Variants in ZNF454 observed in about 807,000 individuals in gnomAD.
ZNF454 encodes zinc finger protein 454.
A neutral mutation model predicts 48.2 loss-of-function variants in ZNF454; 30 were observed. That is an observed-to-expected ratio of 0.62 (90% CI 0.47 to 0.84). The LOEUF (loss-of-function observed/expected upper bound fraction) is 0.84. Ranked by LOEUF, ZNF454 falls within the 40% of genes least tolerant of loss-of-function variation. ZNF454 has a pLI of 0.00. For missense variants in ZNF454, 510 were observed against 623.1 expected, an observed-to-expected ratio of 0.82 and a Z score of 1.93; for synonymous variants, 204 against 211.4, an observed-to-expected ratio of 0.97 and a Z score of 0.30.
chr5:178,962,044 T>C (rs1005023006), intron 4 of ZNF454, among the ~76,000 whole-genome samples: 1 of 151,752 alleles, frequency 6.6e-6, no homozygotes, highest in Non-Finnish European at 1.5e-5. Flanking sequence ...GGAACACATC[T>C]GTGTTTCTTT....
chr5:178,967,549 G>A (rs1320335372), downstream of ZNF454, among the ~76,000 whole-genome samples: 1 of 152,074 alleles, frequency 6.6e-6, no homozygotes, highest in Admixed American at 6.5e-5. Context: ...CTCCATCTGG[G>A]CCTTCCACTA....
the ZNF454 span, among the ~76,000 whole-genome samples, chr5:178,984,954 A>G: frequency 1.3e-5 from 2 of 152,068 alleles, no homozygotes; most frequent in Non-Finnish European, 2.9e-5. Context: ...TACTCTTCAC[A>G]CAGAAAACAT....
intron 4 of ZNF454, among the ~76,000 whole-genome samples, chr5:178,947,714 A>G (rs75424680): frequency 0.07 from 10,675 of 152,146 alleles, 492 homozygotes; most frequent in Non-Finnish European, 0.098. Context: ...AGTATTCGAG[A>G]GAGCTTGGTG....
At chr5:178,945,430 A>T (rs1759287823) in intron 2 of ZNF454, among the ~76,000 whole-genome samples, 1 of 121,750 alleles carries the variant, frequency 8.2e-6, no homozygotes, top group East Asian at 2.8e-4. Flanking sequence ...GGGTGTGTGT[A>T]TGCTTGTGTG....
At position 178,946,497 on chromosome 5, in the gene ZNF454, C is replaced by A; in HGVS notation, c.160+12C>A. 6.3e-7 allele frequency: 1 copy of A among 1,583,168 alleles called. No homozygotes were observed. Among genetic ancestry groups the A allele is most frequent in the Admixed American group, 2.0e-5 (1 of 49,760 alleles). ...CCTGGTCTCACTGGGTAAGTGGGAC[C>A]CCTGCAAGGTTTCTCTTCACTTTTG... On this transcript the variant is annotated intron_variant, in intron 3 of 4. Coordinates refer to ENST00000519564, the MANE Select transcript of ZNF454 (RefSeq NM_001178089.3). The surrounding 1 kb of genome is among the most constrained non-coding windows in gnomAD (Gnocchi z 4.5).
intron 4 of ZNF454, among the ~76,000 whole-genome samples, chr5:178,960,381 C>G (rs975907697): frequency 9.2e-5 from 14 of 151,732 alleles, no homozygotes; most frequent in African/African-American, 3.4e-4. Flanking sequence ...CCTCAGCCTC[C>G]GGAGTAGTTG....
Position 178,942,775 on chromosome 5 carries a change from T to G in ZNF454, c.-17T>G, listed in dbSNP as rs765491857. Reference sequence around the variant, plus strand: ...GCACTTTGCCTGTCCCTAAGAGGGCTCATCGGAGAAGAAAGAATGGCTGTC... The same window carrying G: ...GCACTTTGCCTGTCCCTAAGAGGGCGCATCGGAGAAGAAAGAATGGCTGTC... On this transcript the variant is annotated 5_prime_UTR_variant, in exon 2 of 5. Transcript: ENST00000519564. 3.1e-6 allele frequency: 5 copies of G among 1,613,884 alleles called. No individual in the cohort carries two copies. Among genetic ancestry groups the G allele is most frequent in the Middle Eastern group, 1.6e-4 (1 of 6,084 alleles).
the ZNF454 span, among the ~76,000 whole-genome samples, chr5:178,988,729 A>AGGGAACACTGAAGCCT: frequency 1.3e-5 from 2 of 152,206 alleles, no homozygotes; most frequent in African/African-American, 4.8e-5. The surrounding 1 kb of genome is among the most constrained non-coding windows in gnomAD (Gnocchi z 6.0). Context: ...AAACCAGCGC[A>AGGGAACACTGAAGCCT]GGGAACACTG....
intron 1 of ZNF454, chr5:178,942,472 G>T (rs1581852715): frequency 6.4e-6 from 2 of 313,570 alleles, no homozygotes; most frequent in East Asian, 5.6e-5. Context: ...AGACCAGAGG[G>T]TGGGTGGAAG....
At chr5:178,981,529 C>G in the ZNF454 span, 1 of 705,874 alleles carries the variant, frequency 1.4e-6, no homozygotes, top group Non-Finnish European at 2.4e-6. The surrounding 1 kb of genome is among the most constrained non-coding windows in gnomAD (Gnocchi z 5.1). Flanking sequence ...CCCACCGACG[C>G]GGAGCATGGT....
At chr5:178,986,787 C>T in the ZNF454 span, 3 of 1,611,516 alleles carry the variant, frequency 1.9e-6, no homozygotes, top group African/African-American at 1.3e-5. Context: ...GGGGCGTCTG[C>T]CTCCGGGATC....
At chr5:178,980,075 A>G in the ZNF454 span, 1 of 154,540 alleles carries the variant, frequency 6.5e-6, no homozygotes, top group Non-Finnish European at 1.5e-5. This position sits in a 1 kb window ranked among gnomAD's most constrained non-coding sequence, Gnocchi z 4.3. Flanking sequence ...TCAGAGGAGA[A>G]GCTTTTAAGT....
At chr5:178,981,427 A>T in the ZNF454 span, 4 of 510,656 alleles carry the variant, frequency 7.8e-6, no homozygotes, top group South Asian at 2.6e-5. The surrounding 1 kb of genome is among the most constrained non-coding windows in gnomAD (Gnocchi z 5.1). Context: ...GTTTCCCACC[A>T]TGGGAAGCGA....
At chr5:178,983,896 T>C in the ZNF454 span, among the ~76,000 whole-genome samples, 1 of 152,164 alleles carries the variant, frequency 6.6e-6, no homozygotes, top group South Asian at 2.1e-4. Context: ...TCGTGCTGGT[T>C]GTTCACTGTA....
At chr5:178,947,559 C>T (rs1025816800) in intron 4 of ZNF454, among the ~76,000 whole-genome samples, 1 of 152,176 alleles carries the variant, frequency 6.6e-6, no homozygotes, top group African/African-American at 2.4e-5. Flanking sequence ...TCACACCTAG[C>T]GTAGTGCTTG....
At chr5:178,945,691 G>A (rs1454413066) in intron 2 of ZNF454, among the ~76,000 whole-genome samples, 3 of 149,392 alleles carry the variant, frequency 2.0e-5, no homozygotes, top group Non-Finnish European at 4.5e-5. Context: ...GTGTCTCTGT[G>A]TGTGGGGGGG....
chr5:178,986,430 C>T, the ZNF454 span: 2 of 1,613,498 alleles, frequency 1.2e-6, no homozygotes, highest in South Asian at 2.2e-5. Flanking sequence ...TGTTGTACCG[C>T]ACGAAGGTGG....
the ZNF454 span, chr5:178,980,016 A>T: frequency 6.5e-6 from 1 of 154,338 alleles, no homozygotes; most frequent in East Asian, 1.9e-4. The surrounding 1 kb of genome is among the most constrained non-coding windows in gnomAD (Gnocchi z 4.3). Flanking sequence ...AGCCCTAGGA[A>T]CACAACAAAT....
the ZNF454 span, among the ~76,000 whole-genome samples, chr5:178,975,448 G>A: frequency 6.6e-6 from 1 of 152,192 alleles, no homozygotes; most frequent in African/African-American, 2.4e-5. Context: ...TGATTAAGAT[G>A]TGTTGTTTCA....
Sources: allele counts gnomAD v4.1 joint callset (sites outside exome capture counted in the v4.1 genomes callset), GRCh38; gene constraint gnomAD v4.1.1; non-coding constraint Gnocchi (gnomAD v3.1); transcripts MANE v1.5; gene names NCBI Gene and HGNC (gene_info 2026-07-23, HGNC 2026-07-21).